Variants in SYT1 observed in about 807,000 individuals in gnomAD.
The protein encoded by SYT1 is synaptotagmin-1.
A neutral mutation model predicts 44.8 loss-of-function variants in SYT1; 8 were observed. The observed-to-expected ratio is 0.18, with a 90% CI of 0.10 to 0.32. The LOEUF (loss-of-function observed/expected upper bound fraction) is 0.32, where lower values mean the gene tolerates loss of function less well. SYT1 is among the 10% of genes least tolerant of loss of function. The probability of loss-of-function intolerance (pLI) is 1.00; values close to 1 mark genes in which losing one functional copy is unlikely to be tolerated. For missense variants in SYT1, 286 were observed against 509.3 expected (o/e 0.56, Z 4.22); for synonymous variants, 154 against 188.8 (o/e 0.82, Z 1.51).
chr12:79,070,897 A>G (rs911362233), intron 3 of SYT1, among the ~76,000 whole-genome samples: 19 of 152,288 alleles, frequency 1.2e-4, no homozygotes, highest in African/African-American at 4.1e-4. Context: ...AAAAAAAAGA[A>G]AGAAAATTGT....
intron 8 of SYT1, among the ~76,000 whole-genome samples, chr12:79,351,112 A>G (rs765592861): frequency 3.9e-5 from 6 of 152,256 alleles, no homozygotes; most frequent in Middle Eastern, 3.4e-3. Context: ...GCACTTTTCC[A>G]TATTTTTCTT....
At chr12:79,329,569 C>T (rs1881764613) in intron 8 of SYT1, among the ~76,000 whole-genome samples, 1 of 152,162 alleles carries the variant, frequency 6.6e-6, no homozygotes, top group Admixed American at 6.5e-5. Context: ...ACTGTTCTGA[C>T]CACTTTATCT....
At chr12:78,902,881 A>AATAAAC (rs1875741422) in intron 1 of SYT1, among the ~76,000 whole-genome samples, 1 of 152,286 alleles carries the variant, frequency 6.6e-6, no homozygotes, top group East Asian at 1.9e-4. Flanking sequence ...TGAAGCTCCA[A>AATAAAC]ATAAACATAC....
chr12:79,394,599 C>T (rs954482272), intron 9 of SYT1, among the ~76,000 whole-genome samples: 1 of 152,152 alleles, frequency 6.6e-6, no homozygotes, highest in African/African-American at 2.4e-5. Flanking sequence ...AAGGTTAACA[C>T]ATTTCAAAAT....
Position 79,246,151 on chromosome 12 carries a change from T to C in SYT1, c.166+28466T>C, listed in dbSNP as rs17005416. Among the ~76,000 whole-genome samples, 1,305 of 152,296 alleles carry C rather than the reference T, an allele frequency of 8.6e-3. 11 individuals carry two copies. The highest frequency in any genetic ancestry group is 0.03 in the African/African-American group (1,236 of 41,544). ...ATATTTTATGGAAATTATGCAAAAG[T>C]CTTAATGAAGAACAGAATCTGAAGA... On this transcript the variant is annotated intron_variant, in intron 4 of 10. Coordinates refer to ENST00000261205, the MANE Select transcript of SYT1 (RefSeq NM_005639.3).
intron 1 of SYT1, among the ~76,000 whole-genome samples, chr12:78,900,826 G>A (rs2137096919): frequency 6.6e-6 from 1 of 152,162 alleles, no homozygotes; most frequent in East Asian, 1.9e-4. Context: ...CATGAATTTG[G>A]ATTCCTGTTG....
rs74110123 is a variant in SYT1 at position 79,074,172 on chromosome 12, A to C, written c.-18+26810A>C. ...ACTAGTAATTAATCTTTAAAATAAC[A>C]CCATATACAGGACTTTAATACCCCA... On this transcript the variant is annotated intron_variant, in intron 3 of 10. Coordinates refer to ENST00000261205, the MANE Select transcript of SYT1 (RefSeq NM_005639.3). Among the ~76,000 whole-genome samples, 1,447 of 152,276 alleles carry C rather than the reference A, an allele frequency of 9.5e-3. 31 individuals carry two copies. Among genetic ancestry groups the C allele is most frequent in the African/African-American group, 0.032 (1,348 of 41,562 alleles).
At chr12:79,405,866 TTTCC>T (rs1885226916) in intron 9 of SYT1, among the ~76,000 whole-genome samples, 1 of 152,058 alleles carries the variant, frequency 6.6e-6, no homozygotes, top group South Asian at 2.1e-4. Flanking sequence ...CAACCAAGTT[TTTCC>T]TCTTTACCAG....
At chr12:78,929,612 A>C (rs905573793) in intron 1 of SYT1, among the ~76,000 whole-genome samples, 10 of 151,046 alleles carry the variant, frequency 6.6e-5, no homozygotes, top group Non-Finnish European at 1.3e-4. Flanking sequence ...TTTTATTTTA[A>C]AAAGCCAAAT....
chr12:78,911,430 T>A (rs544955645), intron 1 of SYT1, among the ~76,000 whole-genome samples: 1 of 151,878 alleles, frequency 6.6e-6, no homozygotes, highest in African/African-American at 2.4e-5. Context: ...AGACTGAACC[T>A]TGGGGTGCGC....
chr12:79,046,093 G>T (rs755682310), intron 2 of SYT1, among the ~76,000 whole-genome samples: 17 of 152,118 alleles, frequency 1.1e-4, no homozygotes, highest in Non-Finnish European at 2.4e-4. Context: ...GCAAACCTAG[G>T]TGCATTTTAA....
intron 3 of SYT1, among the ~76,000 whole-genome samples, chr12:79,083,960 T>C (rs976614961): frequency 5.9e-5 from 9 of 152,104 alleles, no homozygotes; most frequent in African/African-American, 2.2e-4. Context: ...TGAGCATATC[T>C]CCTAACAAGA....
intron 3 of SYT1, among the ~76,000 whole-genome samples, chr12:79,074,454 A>C (rs1876498593): frequency 6.6e-6 from 1 of 152,166 alleles, no homozygotes; most frequent in Non-Finnish European, 1.5e-5. Flanking sequence ...AGCTTCCCAC[A>C]ACTAGTCTCT....
chr12:79,345,433 G>A (rs1224528628), intron 8 of SYT1, among the ~76,000 whole-genome samples: 1 of 152,154 alleles, frequency 6.6e-6, no homozygotes, highest in African/African-American at 2.4e-5. Context: ...ATAGAGCCTA[G>A]ACTAGAACCT....
intron 3 of SYT1, among the ~76,000 whole-genome samples, chr12:79,156,311 G>C (rs1055958820): frequency 1.3e-5 from 2 of 152,156 alleles, no homozygotes; most frequent in Non-Finnish European, 1.5e-5. Flanking sequence ...TGTATACACA[G>C]ATGGCTTGTA....
chr12:79,151,665 G>A (rs1209016563), intron 3 of SYT1, among the ~76,000 whole-genome samples: 1 of 152,146 alleles, frequency 6.6e-6, no homozygotes, highest in Admixed American at 6.5e-5. Flanking sequence ...AAGATTATGA[G>A]TATAGAAAGG....
intron 4 of SYT1, among the ~76,000 whole-genome samples, chr12:79,227,286 A>G (rs1022213871): frequency 1.3e-5 from 2 of 152,172 alleles, no homozygotes; most frequent in Admixed American, 6.5e-5. Context: ...TTATCTTTCA[A>G]TTCATTCTTC....
chr12:79,023,367 G>C (rs1592672261), intron 2 of SYT1, among the ~76,000 whole-genome samples: 1 of 151,828 alleles, frequency 6.6e-6, no homozygotes, highest in African/African-American at 2.4e-5. Flanking sequence ...GCTTTAGAGA[G>C]ACCATCTGGA....
At chr12:79,004,564 T>C (rs1399329639) in intron 2 of SYT1, among the ~76,000 whole-genome samples, 1 of 152,004 alleles carries the variant, frequency 6.6e-6, no homozygotes, top group African/African-American at 2.4e-5. Flanking sequence ...GGGCTAAAGA[T>C]AAGAAAGATT....
Sources: gnomAD v4.1 joint callset for allele counts (sites outside exome capture counted in the v4.1 genomes callset) on GRCh38, gnomAD v4.1.1 for gene constraint, MANE v1.5 for transcripts, NCBI Gene and HGNC (gene_info 2026-07-23, HGNC 2026-07-21) for gene names.